Variants in UBE4B observed in about 807,000 individuals in gnomAD.
UBE4B encodes ubiquitination factor E4B, also known as ubiquitin conjugation factor E4 B.
In UBE4B, 27 loss-of-function variants were observed where a neutral mutation model predicts 148.1. The observed-to-expected ratio is 0.18, with a 90% CI of 0.13 to 0.25. The LOEUF is 0.25. Among genes scored for constraint, UBE4B ranks in the 10% least tolerant of loss-of-function variants. UBE4B has a pLI of 1.00. For missense variants in UBE4B, 1,170 were observed against 1,662.4 expected (o/e 0.70, Z 5.15); for synonymous variants, 596 against 619.3 (o/e 0.96, Z 0.56).
chr1:10,122,624 G>A (rs138879358), intron 10 of UBE4B, among the ~76,000 whole-genome samples: 2 of 152,296 alleles, frequency 1.3e-5, no homozygotes, highest in East Asian at 3.9e-4. Context: ...CAGATATGTA[G>A]TGCTTAAAAA....
At chr1:10,129,625 C>T (rs1645558800) in intron 12 of UBE4B, among the ~76,000 whole-genome samples, 177 bp downstream of exon 12, 1 of 152,112 alleles carries the variant, frequency 6.6e-6, no homozygotes, top group South Asian at 2.1e-4. Context: ...TTATATCCTG[C>T]ATTACAGTTG....
At chr1:10,096,097 T>C (rs981695897) in intron 3 of UBE4B, among the ~76,000 whole-genome samples, 1 of 152,120 alleles carries the variant, frequency 6.6e-6, no homozygotes, top group Non-Finnish European at 1.5e-5. Flanking sequence ...TAAATGTCTT[T>C]TATGAAATAA....
chr1:10,095,638 G>A, intron 3 of UBE4B, 42 bp downstream of exon 3: 1 of 1,611,596 alleles, frequency 6.2e-7, no homozygotes, highest in Non-Finnish European at 8.5e-7. Flanking sequence ...TTTATTTAGG[G>A]AAAGAGAAAG....
intron 1 of UBE4B, among the ~76,000 whole-genome samples, chr1:10,066,040 C>G (rs1233626795): frequency 6.9e-6 from 1 of 144,010 alleles, no homozygotes; most frequent in Non-Finnish European, 1.5e-5. Flanking sequence ...TCCCTCCCCC[C>G]CTCCTTCCCT....
chr1:10,119,385 C>A, intron 8 of UBE4B, 128 bp from the exon 9 acceptor site: 2 of 806,722 alleles, frequency 2.5e-6, no homozygotes, highest in Non-Finnish European at 4.0e-6. Context: ...GTAGCTCGTT[C>A]ACTAAGAATA....
intron 2 of UBE4B, chr1:10,072,595 C>T (rs368483223): frequency 1.5e-6 from 1 of 673,622 alleles, no homozygotes; most frequent in East Asian, 2.7e-5. Context: ...CCTCTAATTG[C>T]AGATTTCCTC....
rs765404233 is a variant in UBE4B at position 10,137,162 on chromosome 1, C to T, written c.2320C>T (p.Arg774Cys). The change falls in exon 17 of 28, where the codon CGT becomes TGT. Residue 774 changes from arginine (R) to cysteine (C), a missense_variant. Arg to Cys is a radical substitution (Grantham distance 180). This residue lies in a region of UBE4B where 388 missense variants were observed against 536.0 expected (regional missense o/e 0.72). Coordinates refer to ENST00000343090, the MANE Select transcript of UBE4B (RefSeq NM_001105562.3). Reference sequence around the variant, plus strand: ...CCACCTCTCTATTCTGCCTAGTTGCCGTCGCTATATCCGCAGACTCCGGGC... The same window carrying T: ...CCACCTCTCTATTCTGCCTAGTTGCTGTCGCTATATCCGCAGACTCCGGGC... ...AHHLSILPSC[R>C]RYIRRLRAIR... is the part of the protein sequence containing the mutation. 6.2e-6 allele frequency: 10 copies of T among 1,613,940 alleles called. No individual in the cohort carries two copies. Among genetic ancestry groups the T allele is most frequent in the African/African-American group, 4.0e-5 (3 of 74,886 alleles).
At chr1:10,101,921 A>G (rs1645018640) in intron 4 of UBE4B, among the ~76,000 whole-genome samples, 1 of 152,070 alleles carries the variant, frequency 6.6e-6, no homozygotes, top group Non-Finnish European at 1.5e-5. Context: ...AAGGTTTTGG[A>G]AAACATGAAG....
At position 10,033,684 on chromosome 1, in the gene UBE4B, G is replaced by A. The variant is rs753542673; in HGVS notation, c.14G>A (p.Ser5Asn). ...AAGAGGAAAGCGATGGAGGAGCTGA[G>A]CGCTGATGAGGTGAGGAGGTTGGGG... Reference protein sequence around the residue: MEELSADEIRRRRLA... With the variant: MEELNADEIRRRRLA... Residue 5 changes from serine to asparagine, a missense_variant, in exon 1 of 28, where the codon AGC becomes AAC. Ser to Asn is a conservative substitution (Grantham distance 46, BLOSUM62 1). Around this residue, in one of 6 missense-constraint regions of UBE4B, gnomAD observed 127 missense variants for 153.2 expected, o/e 0.83. Transcript: ENST00000343090. 2 of 1,571,298 alleles carry A rather than the reference G, an allele frequency of 1.3e-6. No individual in the cohort carries two copies. The highest frequency in any genetic ancestry group is 3.7e-5 in the Admixed American group (2 of 53,576).
At chr1:10,078,406 T>C (rs1351435446) in intron 2 of UBE4B, among the ~76,000 whole-genome samples, 2 of 152,222 alleles carry the variant, frequency 1.3e-5, no homozygotes, top group African/African-American at 4.8e-5. Context: ...TCAGTTTCTT[T>C]CCTTAAAGAG....
Position 10,075,308 on chromosome 1 carries a change from T to G in UBE4B, c.211+3094T>G, listed in dbSNP as rs145152684. 7.1e-3 allele frequency among the ~76,000 whole-genome samples: 1,078 copies of G among 152,286 alleles called. 45 individuals are homozygous for G. The highest frequency in any genetic ancestry group is 0.067 in the Admixed American group (1,029 of 15,274). Reference sequence around the variant, plus strand: ...CCCTGCTCTAGACCTGTCAGAAAACTAGAAGCAGACCAGATTCTCACCACC... The same window carrying G: ...CCCTGCTCTAGACCTGTCAGAAAACGAGAAGCAGACCAGATTCTCACCACC... On this transcript the variant is annotated intron_variant, in intron 2 of 27. Transcript: ENST00000343090.
intron 1 of UBE4B, among the ~76,000 whole-genome samples, chr1:10,068,601 T>G (rs900049430): frequency 6.6e-6 from 1 of 152,164 alleles, no homozygotes; most frequent in African/African-American, 2.4e-5. Flanking sequence ...TCTGCCTGCC[T>G]TGGCCTCCCA....
At chr1:10,078,657 C>T (rs1256693983) in intron 2 of UBE4B, among the ~76,000 whole-genome samples, 4 of 152,102 alleles carry the variant, frequency 2.6e-5, no homozygotes, top group South Asian at 2.1e-4. Flanking sequence ...GTATATCCAA[C>T]GAAGGCCTTA....
intron 2 of UBE4B, chr1:10,072,780 G>A (rs1482231667): frequency 7.1e-6 from 2 of 283,366 alleles, no homozygotes; most frequent in Non-Finnish European, 1.3e-5. Flanking sequence ...TTCTCATACT[G>A]TGTATTTGAA....
At chr1:10,070,158 C>G (rs555074844) in intron 1 of UBE4B, among the ~76,000 whole-genome samples, 2 of 151,696 alleles carry the variant, frequency 1.3e-5, no homozygotes, top group East Asian at 3.9e-4. Context: ...CCTGTAGTCC[C>G]AGCTACTTGG....
At chr1:10,100,881 A>G (rs866233572) in intron 3 of UBE4B, 19 of 498,074 alleles carry the variant, frequency 3.8e-5, no homozygotes, top group Middle Eastern at 1.2e-3. Flanking sequence ...AAGTAAGCCC[A>G]AGAAAATGAC....
intron 25 of UBE4B, among the ~76,000 whole-genome samples, chr1:10,172,060 C>T (rs935351764): frequency 6.6e-6 from 1 of 152,160 alleles, no homozygotes; most frequent in Admixed American, 6.6e-5. Flanking sequence ...TCCTAGTCTC[C>T]TGCTAGAGTG....
chr1:10,083,055 C>A (rs571975951), intron 2 of UBE4B, among the ~76,000 whole-genome samples: 1 of 151,982 alleles, frequency 6.6e-6, no homozygotes, highest in Non-Finnish European at 1.5e-5. Flanking sequence ...AATCTATCAT[C>A]GATGGGCATT....
chr1:10,067,989 A>G (rs547958729), intron 1 of UBE4B, among the ~76,000 whole-genome samples: 43 of 151,156 alleles, frequency 2.8e-4, no homozygotes, highest in African/African-American at 9.5e-4. Context: ...CAGCCTCCCA[A>G]AGTGCTGGGA....
Sources: allele counts gnomAD v4.1 joint callset (sites outside exome capture counted in the v4.1 genomes callset), GRCh38; gene constraint gnomAD v4.1.1; regional missense constraint gnomAD v4.1.1; transcripts MANE v1.5; gene names NCBI Gene and HGNC (gene_info 2026-07-23, HGNC 2026-07-21).